LOC128462377: variants seen among roughly 807,000 people sequenced by gnomAD.
At chr16:89,407,590 G>A in the LOC128462377 span, among the ~76,000 whole-genome samples, 1 of 152,226 alleles carries the variant, frequency 6.6e-6, no homozygotes, top group Admixed American at 6.5e-5. Flanking sequence ...GGAGGCCGAG[G>A]CAGGTGGATT....
chr16:89,413,671 C>T, the LOC128462377 span, among the ~76,000 whole-genome samples: 1 of 152,158 alleles, frequency 6.6e-6, no homozygotes, highest in Non-Finnish European at 1.5e-5. Flanking sequence ...GTGGCACCTA[C>T]AAATCCCTTA....
At chr16:89,356,131 C>T in the LOC128462377 span, among the ~76,000 whole-genome samples, 1 of 152,244 alleles carries the variant, frequency 6.6e-6, no homozygotes, top group Admixed American at 6.5e-5. Context: ...TGAACTAGTG[C>T]TTTTCACTAA....
the LOC128462377 span, among the ~76,000 whole-genome samples, chr16:89,326,253 A>T: frequency 6.6e-6 from 1 of 152,212 alleles, no homozygotes; most frequent in Non-Finnish European, 1.5e-5. Context: ...GGTGGAAATA[A>T]ACACACGGAA....
chr16:89,386,609 T>A, the LOC128462377 span, among the ~76,000 whole-genome samples: 2 of 152,192 alleles, frequency 1.3e-5, no homozygotes, highest in African/African-American at 2.4e-5. Flanking sequence ...AAAAGCACCC[T>A]ACAGGACACG....
the LOC128462377 span, among the ~76,000 whole-genome samples, chr16:89,327,029 C>T: frequency 2.0e-5 from 3 of 151,374 alleles, no homozygotes; most frequent in East Asian, 5.8e-4. Flanking sequence ...GTGGGGAATG[C>T]AGAGGTGGGG....
At chr16:89,340,535 A>C in the LOC128462377 span, among the ~76,000 whole-genome samples, 83,169 of 152,100 alleles carry the variant, frequency 0.55, 22,847 homozygotes, top group Middle Eastern at 0.63. Context: ...TCGGCCTCCC[A>C]AAGTGCTGGG....
At chr16:89,412,602 G>C in the LOC128462377 span, 52 of 152,166 alleles carry the variant, frequency 3.4e-4, no homozygotes, top group African/African-American at 1.2e-3. Flanking sequence ...AGGTACATTG[G>C]TGTTTTTGCA....
At chr16:89,414,702 CT>C in the LOC128462377 span, among the ~76,000 whole-genome samples, 1 of 152,238 alleles carries the variant, frequency 6.6e-6, no homozygotes, top group African/African-American at 2.4e-5. Flanking sequence ...TCACACAAGG[CT>C]GTCGGGGACC....
At chr16:89,354,243 C>CAAAAAAAAAAAAAAAA in the LOC128462377 span, among the ~76,000 whole-genome samples, 1 of 126,240 alleles carries the variant, frequency 7.9e-6, no homozygotes. Context: ...TGCATTCAGC[C>CAAAAAAAAAAAAAAAA]AAAAAAAAAA....
the LOC128462377 span, among the ~76,000 whole-genome samples, chr16:89,380,814 C>T: frequency 1.3e-5 from 2 of 152,218 alleles, no homozygotes; most frequent in Non-Finnish European, 2.9e-5. Flanking sequence ...AGCACTGGGG[C>T]TTATGGGAGG....
chr16:89,346,015 G>A, the LOC128462377 span, among the ~76,000 whole-genome samples: 4 of 152,172 alleles, frequency 2.6e-5, no homozygotes, highest in South Asian at 8.3e-4. Context: ...GCCAAAGCAG[G>A]CGGATCACTT....
At chr16:89,393,471 G>A in the LOC128462377 span, among the ~76,000 whole-genome samples, 1 of 147,494 alleles carries the variant, frequency 6.8e-6, no homozygotes, top group East Asian at 2.0e-4. Context: ...TTACAGGCGT[G>A]TGCCACCATA....
chr16:89,328,344 C>T, the LOC128462377 span, among the ~76,000 whole-genome samples: 64 of 152,344 alleles, frequency 4.2e-4, no homozygotes, highest in African/African-American at 1.5e-3. Context: ...CACCCCAGGA[C>T]ATTTATCTGA....
At chr16:89,340,431 T>C in the LOC128462377 span, among the ~76,000 whole-genome samples, 9 of 152,184 alleles carry the variant, frequency 5.9e-5, no homozygotes, top group Non-Finnish European at 1.2e-4. Flanking sequence ...TGCGCCACCA[T>C]GCCTGGCTAG....
At chr16:89,323,414 G>T in the LOC128462377 span, 3 of 1,157,400 alleles carry the variant, frequency 2.6e-6, no homozygotes, top group East Asian at 5.8e-5. Context: ...CAGGGCAGGG[G>T]GGCTGAGCCG....
At chr16:89,363,261 G>C in the LOC128462377 span, among the ~76,000 whole-genome samples, 1 of 152,074 alleles carries the variant, frequency 6.6e-6, no homozygotes, top group African/African-American at 2.4e-5. Context: ...TCTGCCTTCT[G>C]AAGCAGTCTC....
chr16:89,384,538 C>CGGGA, the LOC128462377 span, among the ~76,000 whole-genome samples: 1 of 148,224 alleles, frequency 6.7e-6, no homozygotes, highest in African/African-American at 2.5e-5. Flanking sequence ...TGGGATGGGA[C>CGGGA]TGGGATGGGA....
chr16:89,374,429 A>G, the LOC128462377 span, among the ~76,000 whole-genome samples: 2 of 152,184 alleles, frequency 1.3e-5, no homozygotes, highest in Admixed American at 1.3e-4. Flanking sequence ...GAACGATACA[A>G]CAGGAACTGT....
the LOC128462377 span, among the ~76,000 whole-genome samples, chr16:89,411,952 C>T: frequency 7.1e-6 from 1 of 140,226 alleles, no homozygotes; most frequent in Non-Finnish European, 1.6e-5. Flanking sequence ...CCTGGCCGTG[C>T]CCCATCCCTC....
Sources: gnomAD v4.1 joint callset for allele counts (sites outside exome capture counted in the v4.1 genomes callset) on GRCh38, gnomAD v4.1.1 for gene constraint, MANE v1.5 for transcripts.